The following MARK4 variants were observed in gnomAD, a reference collection of about 807,000 sequenced individuals.
MARK4 encodes MAP/microtubule affinity-regulating kinase 4.
MARK4 carries 19 observed loss-of-function variants against 81.5 expected under a neutral mutation model. That is an observed-to-expected ratio of 0.23 (90% CI 0.16 to 0.34). MARK4 has a LOEUF of 0.34. Among genes scored for constraint, MARK4 ranks in the 10% least tolerant of loss-of-function variants. The probability of loss-of-function intolerance (pLI) is 1.00; values close to 1 mark genes in which losing one functional copy is unlikely to be tolerated. For missense variants in MARK4, 772 were observed against 1,058.8 expected, an observed-to-expected ratio of 0.73 and a Z score of 3.76; for synonymous variants, 436 against 439.0, an observed-to-expected ratio of 0.99 and a Z score of 0.08.
chr19:45,266,578 G>T (rs1022418865), intron 7 of MARK4, among the ~76,000 whole-genome samples: 4 of 152,118 alleles, frequency 2.6e-5, no homozygotes, highest in African/African-American at 9.6e-5. Flanking sequence ...GGATAAGGAC[G>T]CTGGGACATG....
At chr19:45,273,259 AT>A in intron 8 of MARK4, among the ~76,000 whole-genome samples, 1 of 152,240 alleles carries the variant, frequency 6.6e-6, no homozygotes, top group South Asian at 2.1e-4. Flanking sequence ...CTGTGTCCAC[AT>A]TTGCTCTATC....
chr19:45,261,980 A>T (rs1443664676), intron 2 of MARK4, among the ~76,000 whole-genome samples: 1 of 152,130 alleles, frequency 6.6e-6, no homozygotes. Flanking sequence ...GGAGAGTTCA[A>T]TGACATTCTG....
In MARK4 at chr19:45,271,715, A is replaced by C. The variant is rs1242286610; in HGVS notation, c.786+7A>C. 1 of 1,613,404 alleles carries C rather than the reference A, an allele frequency of 6.2e-7. No homozygotes were observed. The highest frequency in any genetic ancestry group is 8.5e-7 in the Non-Finnish European group (1 of 1,179,614). On this transcript the variant is annotated splice_region_variant and intron_variant, in intron 8 of 16. Transcript: ENST00000262891. The surrounding 1 kb of genome is among the most constrained non-coding windows in gnomAD (Gnocchi z 4.1). ...CGACGGGCACAACCTCAAGGTACCG[A>C]GAGGGGCTGGGTGCAGGGGCATCAG...
At chr19:45,300,842 C>T (rs1392642950) in intron 16 of MARK4, among the ~76,000 whole-genome samples, 2 of 152,060 alleles carry the variant, frequency 1.3e-5, no homozygotes, top group South Asian at 2.1e-4. Context: ...CAGACCTGGT[C>T]ATGTGGTCAC....
At chr19:45,272,053 C>G (rs1475699551) in intron 8 of MARK4, among the ~76,000 whole-genome samples, 1 of 152,102 alleles carries the variant, frequency 6.6e-6, no homozygotes, top group African/African-American at 2.4e-5. Context: ...CCTGCTTGGC[C>G]GGGTGCGGTG....
chr19:45,276,959 C>G (rs780502030), intron 8 of MARK4, among the ~76,000 whole-genome samples: 11 of 151,472 alleles, frequency 7.3e-5, no homozygotes, highest in Non-Finnish European at 1.6e-4. Flanking sequence ...ATTAACTCAC[C>G]TGTACCCTGG....
chr19:45,291,798 A>G (rs1815028037), intron 13 of MARK4, among the ~76,000 whole-genome samples: 1 of 152,124 alleles, frequency 6.6e-6, no homozygotes, highest in Non-Finnish European at 1.5e-5. Flanking sequence ...AAACAAAACA[A>G]AAAACCACAT....
chr19:45,268,256 C>T (rs1441382369), intron 7 of MARK4, among the ~76,000 whole-genome samples: 1 of 152,024 alleles, frequency 6.6e-6, no homozygotes, highest in Non-Finnish European at 1.5e-5. Flanking sequence ...GCCTGGGCAA[C>T]ACACCCAAGA....
chr19:45,270,119 C>T (rs1264622586), intron 7 of MARK4, among the ~76,000 whole-genome samples: 3 of 152,116 alleles, frequency 2.0e-5, no homozygotes, highest in African/African-American at 7.2e-5. Context: ...TGAGCTACCG[C>T]GCCCGGCCAT....
chr19:45,280,008 G>T (rs1970650585), intron 10 of MARK4: 2 of 204,010 alleles, frequency 9.8e-6, no homozygotes, highest in South Asian at 1.8e-4. Context: ...AAGGGAGGAT[G>T]GGTACTGGAC....
At position 45,286,173 on chromosome 19, in the gene MARK4, A is replaced by G. The variant is rs531360674; in HGVS notation, c.1277-1274A>G. Among the ~76,000 whole-genome samples the G allele has an allele frequency of 1.1e-4, 16 of 152,122 alleles. No homozygotes were observed. In the East Asian group the frequency reaches 2.9e-3, roughly 28 times the overall value. On this transcript the variant is annotated intron_variant, in intron 12 of 16. Transcript: ENST00000262891. ...CAGGTTCAAGCGATTCTCCTGCCTCAGCCTTCCAAGTAGCTGGGATTACAG... is the reference window on the plus strand; with the variant it reads ...CAGGTTCAAGCGATTCTCCTGCCTCGGCCTTCCAAGTAGCTGGGATTACAG...
chr19:45,272,525 G>A (rs566622315), intron 8 of MARK4, among the ~76,000 whole-genome samples: 412 of 152,260 alleles, frequency 2.7e-3, no homozygotes, highest in Middle Eastern at 6.8e-3. Flanking sequence ...GGCTGGGGGG[G>A]AGGAGCAAGT....
intron 1 of MARK4, 100 bp from the exon 2 acceptor site, chr19:45,258,889 C>T: frequency 7.7e-7 from 1 of 1,301,920 alleles, no homozygotes; most frequent in Non-Finnish European, 1.1e-6. Context: ...TGAAAAGGGC[C>T]ACGGAGGGGC....
chr19:45,264,634 A>G (rs760423799), intron 4 of MARK4, 50 bp from the exon 5 acceptor site: 2 of 1,567,738 alleles, frequency 1.3e-6, no homozygotes, highest in African/African-American at 2.7e-5. Context: ...AGGACAGGTT[A>G]GGAGGGGCCC....
intron 12 of MARK4, among the ~76,000 whole-genome samples, chr19:45,284,771 G>C (rs888952963): frequency 4.4e-4 from 67 of 151,960 alleles, no homozygotes; most frequent in African/African-American, 1.2e-3. Flanking sequence ...TGGGCAACAT[G>C]ATGAAACCTC....
At chr19:45,295,913 T>G (rs935266883) in intron 14 of MARK4, among the ~76,000 whole-genome samples, 1 of 152,234 alleles carries the variant, frequency 6.6e-6, no homozygotes, top group Non-Finnish European at 1.5e-5. Flanking sequence ...GTGCTTTTTT[T>G]TGGTGGTTAT....
chr19:45,281,156 G>A (rs909612268), intron 12 of MARK4, among the ~76,000 whole-genome samples: 17 of 151,648 alleles, frequency 1.1e-4, no homozygotes, highest in Middle Eastern at 3.2e-3. Flanking sequence ...AGGTTCAAGC[G>A]ATTCTTCTGC....
chr19:45,295,252 T>C (rs971888301), intron 14 of MARK4, among the ~76,000 whole-genome samples: 2 of 151,414 alleles, frequency 1.3e-5, no homozygotes, highest in Admixed American at 1.3e-4. Flanking sequence ...CCAGCTACTC[T>C]GGAGGCAGAG....
At chr19:45,294,162 C>A (rs1306331802) in intron 13 of MARK4, among the ~76,000 whole-genome samples, 187 bp from the exon 14 acceptor site, 1 of 152,158 alleles carries the variant, frequency 6.6e-6, no homozygotes, top group Non-Finnish European at 1.5e-5. Flanking sequence ...CCTGACTCAG[C>A]CTCGGTGGCT....
Sources: gnomAD v4.1 joint callset for allele counts (sites outside exome capture counted in the v4.1 genomes callset) on GRCh38, gnomAD v4.1.1 for gene constraint, Gnocchi (gnomAD v3.1) non-coding constraint, MANE v1.5 for transcripts, NCBI Gene and HGNC (gene_info 2026-07-23, HGNC 2026-07-21) for gene names.